Variants in RIPOR3 observed in about 807,000 individuals in gnomAD.
RIPOR3 encodes RIPOR family member 3, also known as family with sequence similarity 65 member C.
A neutral mutation model predicts 114.3 loss-of-function variants in RIPOR3; 95 were observed. That is an observed-to-expected ratio of 0.83 (90% confidence interval 0.70 to 0.99). RIPOR3 has a LOEUF of 0.99. Among genes scored for constraint, RIPOR3 ranks in the 50% least tolerant of loss-of-function variants. RIPOR3 has a pLI of 0.00. For synonymous variants in RIPOR3, 575 were observed against 543.8 expected (o/e 1.06, Z -0.80); for missense variants, 1,252 against 1,266.9 (o/e 0.99, Z 0.18).
intron 1 of RIPOR3, among the ~76,000 whole-genome samples, chr20:50,686,569 T>C (rs1359648872): frequency 1.3e-5 from 2 of 151,640 alleles, no homozygotes; most frequent in African/African-American, 4.8e-5. Context: ...ACCAATATGG[T>C]GAAACCCCAT....
At chr20:50,681,275 G>GAAA (rs34596961) in intron 1 of RIPOR3, among the ~76,000 whole-genome samples, 1 of 135,120 alleles carries the variant, frequency 7.4e-6, no homozygotes, top group East Asian at 2.1e-4. Flanking sequence ...TAAGGCACTA[G>GAAA]AAAAAAAAAA....
chr20:50,633,296 A>C (rs1449644728), intron 1 of RIPOR3, among the ~76,000 whole-genome samples: 1 of 152,152 alleles, frequency 6.6e-6, no homozygotes, highest in Non-Finnish European at 1.5e-5. Context: ...AAAATAGTCA[A>C]TTGTTAAATG....
chr20:50,587,981 A>T, intron 20 of RIPOR3, 89 bp from the exon 21 acceptor site: 1 of 1,234,812 alleles, frequency 8.1e-7, no homozygotes, highest in Non-Finnish European at 1.2e-6. Context: ...GGCCAGTCCT[A>T]GCATGGTCTC....
At chr20:50,679,903 G>A (rs1362169587) in intron 1 of RIPOR3, among the ~76,000 whole-genome samples, 1 of 152,152 alleles carries the variant, frequency 6.6e-6, no homozygotes, top group Non-Finnish European at 1.5e-5. Flanking sequence ...GCTGCAGTGA[G>A]CCAAGATCAC....
At chr20:50,662,383 G>A (rs1038411148) in intron 1 of RIPOR3, 1 of 152,406 alleles carries the variant, frequency 6.6e-6, no homozygotes, top group African/African-American at 2.4e-5. Context: ...TCAGAGGAAG[G>A]TGCTGAGGTC....
At position 50,597,681 on chromosome 20, in the gene RIPOR3, C is replaced by A. The variant is rs76862921; in HGVS notation, c.1689G>T (p.Ser563=). Residue 563 remains serine, a synonymous_variant, in exon 14 of 22, where the codon TCG becomes TCT. Transcript: ENST00000327979. ...KPCRARQEHT[S]AESLMECILE... Reference sequence around the variant, plus strand: ...GGATGCACTCCATCAGGCTCTCGGCCGAGGTGTGCTCCTGCCGTGCTCTGC... The same window carrying A: ...GGATGCACTCCATCAGGCTCTCGGCAGAGGTGTGCTCCTGCCGTGCTCTGC... 8.7e-6 allele frequency: 14 copies of A among 1,611,692 alleles called. No individual in the cohort carries two copies. The highest frequency in any genetic ancestry group is 2.7e-5 in the African/African-American group (2 of 74,868).
intron 14 of RIPOR3, among the ~76,000 whole-genome samples, 200 bp from the exon 15 acceptor site, chr20:50,596,463 G>A (rs950721000): frequency 2.0e-5 from 3 of 152,204 alleles, no homozygotes; most frequent in African/African-American, 7.2e-5. Flanking sequence ...CCAAGGGCCT[G>A]GGGAAGGCAG....
chr20:50,619,615 C>T (rs994404499), intron 3 of RIPOR3, among the ~76,000 whole-genome samples: 2 of 152,256 alleles, frequency 1.3e-5, no homozygotes, highest in African/African-American at 4.8e-5. Flanking sequence ...TTTGCCCACA[C>T]TGTTGCCTGT....
rs575612318 is a variant in RIPOR3 at position 50,667,450 on chromosome 20, C to T, written c.3+23676G>A. Reference sequence around the variant, plus strand: ...CTGTGATTACAGGCACCCGCCACAACGCCCAGCTAATTTTTGTATTTTCAG... The same window carrying T: ...CTGTGATTACAGGCACCCGCCACAATGCCCAGCTAATTTTTGTATTTTCAG... On this transcript the variant is annotated intron_variant, in intron 1 of 21. Transcript: ENST00000327979. Among the ~76,000 whole-genome samples the T allele has an allele frequency of 2.6e-4, 39 of 152,158 alleles. No homozygotes were observed. The East Asian group carries it at 5.4e-3, about 21-fold the overall frequency.
At chr20:50,655,424 C>T (rs1173102040) in intron 1 of RIPOR3, among the ~76,000 whole-genome samples, 2 of 152,202 alleles carry the variant, frequency 1.3e-5, no homozygotes, top group Admixed American at 6.5e-5. Context: ...CACACGGGCT[C>T]ACTGCAGTTA....
In RIPOR3 at chr20:50,608,955, C is replaced by T. The variant is rs1212070147; in HGVS notation, c.641G>A (p.Gly214Asp). ...HLGEFHIRMK[G>D]LVGYARLCPG... ...ACAGAGGCGTGCGTAGCCCACCAAGCCTGGAACACAGACATGGCCGGTCTC... is the reference window on the plus strand; with the variant it reads ...ACAGAGGCGTGCGTAGCCCACCAAGTCTGGAACACAGACATGGCCGGTCTC... The change falls in exon 9 of 22, where the codon GGC becomes GAC. Residue 214 changes from glycine (G) to aspartate (D), a missense_variant and splice_region_variant. By Grantham distance (94) the Gly-to-Asp change is moderately conservative. Coordinates refer to ENST00000327979, the MANE Select transcript of RIPOR3 (RefSeq NM_001290268.2). The T allele has an allele frequency of 1.9e-6, 3 of 1,580,160 alleles. No homozygotes were observed. The highest frequency in any genetic ancestry group is 2.6e-6 in the Non-Finnish European group (3 of 1,163,624).
chr20:50,609,119 G>A (rs1249230757), intron 8 of RIPOR3, among the ~76,000 whole-genome samples, 164 bp from the exon 9 acceptor site: 1 of 152,162 alleles, frequency 6.6e-6, no homozygotes, highest in African/African-American at 2.4e-5. Flanking sequence ...AGGGTGCTGG[G>A]CCCTCACACC....
At chr20:50,653,518 C>G (rs938966474) in intron 1 of RIPOR3, among the ~76,000 whole-genome samples, 1 of 151,684 alleles carries the variant, frequency 6.6e-6, no homozygotes, top group Non-Finnish European at 1.5e-5. Context: ...TCACTGCAAC[C>G]TCTGCCTCCT....
At chr20:50,609,495 G>A in intron 7 of RIPOR3, 78 bp downstream of exon 7, 1 of 1,448,130 alleles carries the variant, frequency 6.9e-7, no homozygotes. Flanking sequence ...AGCCCCCACT[G>A]GCCCAGCTCT....
In RIPOR3 at chr20:50,635,467, C is replaced by G. The variant is rs184718195; in HGVS notation, c.4-4611G>C. Among the ~76,000 whole-genome samples, 344 of 152,208 alleles carry G rather than the reference C, an allele frequency of 2.3e-3. 2 individuals carry two copies. Among genetic ancestry groups the G allele is most frequent in the Admixed American group, 4.4e-3 (68 of 15,292 alleles). ...CCAGGAGTTCGAGACCAGCCTGGGT[C>G]TCATAGTGAGACCCGGTCCCCACAA... On this transcript the variant is annotated intron_variant, in intron 1 of 21. Coordinates refer to ENST00000327979, the MANE Select transcript of RIPOR3 (RefSeq NM_001290268.2).
chr20:50,687,389 C>T (rs939805336), intron 1 of RIPOR3, among the ~76,000 whole-genome samples: 13 of 152,206 alleles, frequency 8.5e-5, no homozygotes, highest in Non-Finnish European at 1.8e-4. Context: ...AGGCCCATGC[C>T]TGGGGTCTGA....
At chr20:50,616,620 A>G (rs2084181366) in intron 3 of RIPOR3, among the ~76,000 whole-genome samples, 1 of 152,146 alleles carries the variant, frequency 6.6e-6, no homozygotes, top group Middle Eastern at 3.2e-3. Context: ...CTGGGATTAC[A>G]GGGGTGAGCT....
chr20:50,676,768 A>AATTTTTTTTTT (rs1568961079), intron 1 of RIPOR3, among the ~76,000 whole-genome samples: 1 of 139,886 alleles, frequency 7.1e-6, no homozygotes. Context: ...TCCAGATTCT[A>AATTTTTTTTTT]CTTTTTTTTT....
At chr20:50,598,806 G>A (rs906407093) in intron 13 of RIPOR3, among the ~76,000 whole-genome samples, 1 of 151,728 alleles carries the variant, frequency 6.6e-6, no homozygotes, top group African/African-American at 2.4e-5. Flanking sequence ...TCAGGAGGCT[G>A]AGGCAGGAGA....
Sources: allele counts gnomAD v4.1 joint callset (sites outside exome capture counted in the v4.1 genomes callset), GRCh38; gene constraint gnomAD v4.1.1; transcripts MANE v1.5; gene names NCBI Gene and HGNC (gene_info 2026-07-23, HGNC 2026-07-21).